CCDC148: variants seen among roughly 807,000 people sequenced by gnomAD.
CCDC148 encodes coiled-coil domain containing 148.
Under a neutral mutation model 85.7 loss-of-function variants are expected in CCDC148, and 89 were observed. The observed-to-expected ratio is 1.04, with a 90% CI of 0.87 to 1.24. CCDC148 has a LOEUF of 1.24. Ranked by LOEUF, CCDC148 falls within the 50% of genes most tolerant of loss-of-function variation. The pLI is 0.00. For missense variants in CCDC148, 692 were observed against 671.7 expected (o/e 1.03, Z -0.33); for synonymous variants, 230 against 213.9 (o/e 1.08, Z -0.66).
intron 1 of CCDC148, among the ~76,000 whole-genome samples, chr2:158,376,742 T>C (rs1394411060): frequency 1.3e-5 from 2 of 152,036 alleles, no homozygotes; most frequent in East Asian, 3.9e-4. Flanking sequence ...AAAATTTCCT[T>C]ATTTTCCTAT....
intron 11 of CCDC148, among the ~76,000 whole-genome samples, chr2:158,215,712 C>T (rs775255265): frequency 1.3e-5 from 2 of 152,024 alleles, no homozygotes; most frequent in Admixed American, 6.6e-5. Context: ...AGTGAATAGT[C>T]GATTTGTACA....
At chr2:158,215,368 G>A (rs1263308640) in intron 11 of CCDC148, among the ~76,000 whole-genome samples, 2 of 152,060 alleles carry the variant, frequency 1.3e-5, no homozygotes, top group Non-Finnish European at 2.9e-5. Flanking sequence ...TGAAGTTTGT[G>A]CTCTACAAAA....
intron 2 of CCDC148, among the ~76,000 whole-genome samples, chr2:158,357,695 C>T (rs1683732981): frequency 6.6e-6 from 1 of 152,040 alleles, no homozygotes; most frequent in Non-Finnish European, 1.5e-5. Flanking sequence ...ACGGTAATCT[C>T]TCCAGAATAG....
chr2:158,246,930 T>G (rs1440814604), intron 10 of CCDC148, among the ~76,000 whole-genome samples: 1 of 152,172 alleles, frequency 6.6e-6, no homozygotes, highest in Non-Finnish European at 1.5e-5. Context: ...CAGAGACACA[T>G]GTAAGAGCCA....
chr2:158,449,260 T>C lies in CCDC148; in HGVS notation c.25+7155A>G, dbSNP rs555759070. On this transcript the variant is annotated intron_variant, in intron 1 of 13. Coordinates refer to ENST00000283233, the MANE Select transcript of CCDC148 (RefSeq NM_138803.4). ...TTAGGTCCTAGTAGGATTTTTTATG[T>C]ATAAGGTCAAGTAATCTGTAAATAA... Among the ~76,000 whole-genome samples, 6 of 152,338 alleles carry C rather than the reference T, an allele frequency of 3.9e-5. No individual in the cohort carries two copies. The East Asian group carries it at 1.2e-3, about 29-fold the overall frequency.
At chr2:158,252,904 C>G (rs1688853848) in intron 9 of CCDC148, among the ~76,000 whole-genome samples, 1 of 151,740 alleles carries the variant, frequency 6.6e-6, no homozygotes, top group Non-Finnish European at 1.5e-5. Context: ...TCCAACATTT[C>G]CAAAATTAAA....
chr2:158,389,248 C>A (rs1357635982), intron 1 of CCDC148, among the ~76,000 whole-genome samples: 1 of 152,162 alleles, frequency 6.6e-6, no homozygotes, highest in East Asian at 1.9e-4. Context: ...ATTTTTCATT[C>A]TCTCTACGAC....
intron 9 of CCDC148, among the ~76,000 whole-genome samples, chr2:158,296,726 C>T (rs970695839): frequency 1.3e-5 from 2 of 152,084 alleles, no homozygotes; most frequent in Non-Finnish European, 2.9e-5. Context: ...AAATAGACCC[C>T]AATGCAGACA....
chr2:158,371,540 T>C (rs1373750184), intron 1 of CCDC148, among the ~76,000 whole-genome samples: 1 of 152,060 alleles, frequency 6.6e-6, no homozygotes, highest in Non-Finnish European at 1.5e-5. Context: ...AAAGAATTTC[T>C]ATGCATTTGT....
rs1459071087 is a variant in CCDC148 at position 158,278,020 on chromosome 2, G to A, written c.1111-27108C>T. Among the ~76,000 whole-genome samples the A allele has an allele frequency of 2.0e-5, 3 of 152,076 alleles. No homozygotes were observed. In the East Asian group the frequency reaches 5.8e-4, roughly 29 times the overall value. On this transcript the variant is annotated intron_variant, in intron 9 of 13. Coordinates refer to ENST00000283233, the MANE Select transcript of CCDC148 (RefSeq NM_138803.4). ...GGTTCTAGCCACTACACTGTGTTTG[G>A]TAAACCTCAGTCATTAGAGTGTCCC... is the stretch of plus-strand genomic sequence containing the variant.
intron 7 of CCDC148, among the ~76,000 whole-genome samples, chr2:158,319,958 CTA>C (rs1692449691): frequency 6.6e-6 from 1 of 152,110 alleles, no homozygotes; most frequent in Non-Finnish European, 1.5e-5. Flanking sequence ...ATTATTTGCT[CTA>C]TGTTTTAAAT....
chr2:158,352,416 C>A (rs964467449), intron 2 of CCDC148, among the ~76,000 whole-genome samples: 2 of 152,082 alleles, frequency 1.3e-5, no homozygotes, highest in African/African-American at 4.8e-5. Context: ...GGCTCGAGAA[C>A]TACGTGAAGA....
intron 9 of CCDC148, among the ~76,000 whole-genome samples, chr2:158,263,703 C>A (rs1689335768): frequency 6.6e-6 from 1 of 151,964 alleles, no homozygotes; most frequent in African/African-American, 2.4e-5. Flanking sequence ...CAATTCTGGG[C>A]TTTCTTATCT....
At chr2:158,413,998 T>C (rs900787473) in intron 1 of CCDC148, among the ~76,000 whole-genome samples, 1 of 152,172 alleles carries the variant, frequency 6.6e-6, no homozygotes, top group African/African-American at 2.4e-5. Context: ...TCAAGGAAGT[T>C]GTTAAAGGAG....
intron 2 of CCDC148, among the ~76,000 whole-genome samples, chr2:158,346,692 C>T (rs538733915): frequency 9.3e-4 from 141 of 152,184 alleles, no homozygotes; most frequent in African/African-American, 3.1e-3. Context: ...TGATGAAATA[C>T]GCATATTTCA....
At chr2:158,302,602 G>A (rs894158267) in intron 9 of CCDC148, among the ~76,000 whole-genome samples, 1 of 152,184 alleles carries the variant, frequency 6.6e-6, no homozygotes, top group East Asian at 1.9e-4. Flanking sequence ...TGGCCAACAT[G>A]GTGAAACGCT....
chr2:158,300,997 T>C (rs186287227), intron 9 of CCDC148, among the ~76,000 whole-genome samples: 1 of 152,126 alleles, frequency 6.6e-6, no homozygotes, highest in African/African-American at 2.4e-5. Context: ...TAGAACTACA[T>C]GCACGCACCA....
At chr2:158,454,798 G>A (rs964507124) in intron 1 of CCDC148, among the ~76,000 whole-genome samples, 1 of 152,204 alleles carries the variant, frequency 6.6e-6, no homozygotes, top group Non-Finnish European at 1.5e-5. Context: ...TAGTAGCGCA[G>A]GAGCAAGTTC....
intron 8 of CCDC148, among the ~76,000 whole-genome samples, chr2:158,311,630 A>G (rs1178930815): frequency 2.0e-5 from 3 of 152,228 alleles, no homozygotes; most frequent in Non-Finnish European, 4.4e-5. Context: ...TTTTTTAAAT[A>G]CGCCATCTTT....
Sources: allele counts gnomAD v4.1 joint callset (sites outside exome capture counted in the v4.1 genomes callset), GRCh38; gene constraint gnomAD v4.1.1; transcripts MANE v1.5; gene names NCBI Gene and HGNC (gene_info 2026-07-23, HGNC 2026-07-21).